The following ELOVL4 variants were observed in gnomAD, a reference collection of about 807,000 sequenced individuals.
The protein encoded by ELOVL4 is ELOVL fatty acid elongase 4.
ELOVL4 carries 18 observed loss-of-function variants against 42.1 expected under a neutral mutation model. The ratio of observed to expected loss-of-function variants is 0.43; its 90% CI spans 0.30 to 0.63. The LOEUF (loss-of-function observed/expected upper bound fraction) is 0.63, where lower values mean the gene tolerates loss of function less well. Ranked by LOEUF, ELOVL4 falls within the 30% of genes least tolerant of loss-of-function variation. ELOVL4 has a pLI of 0.15. For missense variants in ELOVL4, 299 were observed against 376.2 expected (o/e 0.79, Z 1.70); for synonymous variants, 117 against 127.0 (o/e 0.92, Z 0.53).
At chr6:79,944,181 G>C (rs1176206580) in intron 1 of ELOVL4, among the ~76,000 whole-genome samples, 4 of 151,984 alleles carry the variant, frequency 2.6e-5, no homozygotes, top group Non-Finnish European at 5.9e-5. Context: ...AGATAAGTTG[G>C]GTATTCATAG....
At chr6:79,929,387 C>A (rs1008066115) in intron 1 of ELOVL4, among the ~76,000 whole-genome samples, 2 of 152,150 alleles carry the variant, frequency 1.3e-5, no homozygotes, top group African/African-American at 4.8e-5. Context: ...CCTACAGGCA[C>A]ACGCCAACAC....
At chr6:79,930,028 T>G (rs530833326) in intron 1 of ELOVL4, among the ~76,000 whole-genome samples, 1 of 152,248 alleles carries the variant, frequency 6.6e-6, no homozygotes, top group Non-Finnish European at 1.5e-5. Context: ...GTTTCCTCAG[T>G]GTCCAAGAAC....
chr6:79,941,259 GA>G (rs1774639882), intron 1 of ELOVL4, among the ~76,000 whole-genome samples: 1 of 152,114 alleles, frequency 6.6e-6, no homozygotes, highest in South Asian at 2.1e-4. Context: ...TGAGAATTGG[GA>G]AGGCAAAGGA....
chr6:79,919,580 A>T (rs1237932530), intron 4 of ELOVL4, 33 bp from the exon 5 acceptor site: 1 of 1,609,200 alleles, frequency 6.2e-7, no homozygotes, highest in Non-Finnish European at 8.5e-7. Flanking sequence ...TACAAGATAC[A>T]GAAAATTTTA....
chr6:79,926,222 A>C lies in ELOVL4; in HGVS notation c.260T>G (p.Val87Gly), dbSNP rs1327646811. 1.2e-6 allele frequency: 2 copies of C among 1,613,838 alleles called. No homozygotes were observed. Among genetic ancestry groups the C allele is most frequent in the Non-Finnish European group, 1.7e-6 (2 of 1,179,896 alleles). The change falls in exon 2 of 6, where the codon GTT becomes GGT. Residue 87 changes from valine (V) to glycine (G), a missense_variant. Coordinates refer to ENST00000369816, the MANE Select transcript of ELOVL4 (RefSeq NM_022726.4). ...TCTGAAGATAAAGAGGTTAAGCAAA[A>C]CCATCCCAAAATTATAGATAATGAG... ...LVLIIYNFGM[V>G]LLNLFIFREL...
In ELOVL4 at chr6:79,916,692, T is replaced by C. The variant is rs1236824181; in HGVS notation, c.861A>G (p.Ser287=). 6.2e-7 allele frequency: 1 copy of C among 1,614,200 alleles called. No individual in the cohort carries two copies. Among genetic ancestry groups the C allele is most frequent in the South Asian group, 1.1e-5 (1 of 91,088 alleles). ...KAGKTAMNGI[S]ANGVSKSEKQ... ...TTTCTGATTTGCTCACACCATTTGC[T>C]GAAATACCATTCATGGCTGTTTTTC... The change falls in exon 6 of 6, where the codon TCA becomes TCG. Residue 287 remains serine (S), a synonymous_variant. Transcript: ENST00000369816.
At chr6:79,928,298 C>G (rs1475157806) in intron 1 of ELOVL4, among the ~76,000 whole-genome samples, 2 of 152,032 alleles carry the variant, frequency 1.3e-5, no homozygotes, top group Non-Finnish European at 2.9e-5. Context: ...ATGCCATACT[C>G]CATGTAACAA....
At chr6:79,933,033 G>A (rs1170234549) in intron 1 of ELOVL4, among the ~76,000 whole-genome samples, 2 of 152,114 alleles carry the variant, frequency 1.3e-5, no homozygotes, top group Non-Finnish European at 2.9e-5. Context: ...TACCCTGAGA[G>A]AACTGAATGT....
chr6:79,921,591 T>A lies in ELOVL4; in HGVS notation c.541+34A>T, dbSNP rs768785763. 27 of 1,601,066 alleles carry A rather than the reference T, an allele frequency of 1.7e-5. 2 individuals are homozygous for A. In the South Asian group the frequency reaches 3.0e-4, roughly 18 times the overall value. On this transcript the variant is annotated intron_variant, in intron 4 of 5. Transcript: ENST00000369816. ...TTTCCACTGAACACATATATGCAAT[T>A]AAACGCAAGCAGTATATTCCTGAAA...
At chr6:79,924,927 T>C in intron 3 of ELOVL4, 25 bp downstream of exon 3, 7 of 1,434,092 alleles carry the variant, frequency 4.9e-6, no homozygotes, top group Non-Finnish European at 6.9e-6. Context: ...CTTTTACTGA[T>C]TAAGAGTATT....
intron 1 of ELOVL4, among the ~76,000 whole-genome samples, chr6:79,944,987 CAAAAAAAAAAAAAAAA>C (rs200726708): frequency 1.1e-5 from 1 of 93,004 alleles, no homozygotes; most frequent in Non-Finnish European, 2.3e-5. Context: ...TGAATGAGTC[CAAAAAAAAAAAAAAAA>C]AAAAAAAAGG....
chr6:79,925,830 T>G (rs1774333252), intron 2 of ELOVL4, among the ~76,000 whole-genome samples: 1 of 152,178 alleles, frequency 6.6e-6, no homozygotes, highest in Admixed American at 6.6e-5. Context: ...GTTTACTGAG[T>G]GCTTAATACG....
Position 79,915,988 on chromosome 6 carries a change from TTTC to T in ELOVL4, c.*617_*619del, listed in dbSNP as rs1191751830. The T allele has an allele frequency of 6.5e-6, 1 of 152,936 alleles. No homozygotes were observed. Among genetic ancestry groups the T allele is most frequent in the Non-Finnish European group, 1.5e-5 (1 of 68,274 alleles). The allele number at this position is 152,936 out of a possible 1,614,324, so 9.5% of individuals were successfully genotyped here. ...ACCAGACAAGACTTTACTGCAATTC[TTTC>T]TTATTTTCACCAACACCATCATCAT... On this transcript the variant is annotated 3_prime_UTR_variant, in exon 6 of 6. Coordinates refer to ENST00000369816, the MANE Select transcript of ELOVL4 (RefSeq NM_022726.4).
Position 79,937,402 on chromosome 6 carries a change from G to C in ELOVL4, c.100+9778C>G, listed in dbSNP as rs537114518. On this transcript the variant is annotated intron_variant, in intron 1 of 5. Coordinates refer to ENST00000369816, the MANE Select transcript of ELOVL4 (RefSeq NM_022726.4). Reference sequence around the variant, plus strand: ...GATTCAGAAGCTGTAAAGGAGAAAAGACAGTTAACACAGATGAGAGAATCA... The same window carrying C: ...GATTCAGAAGCTGTAAAGGAGAAAACACAGTTAACACAGATGAGAGAATCA... Among the ~76,000 whole-genome samples the C allele has an allele frequency of 2.6e-5, 4 of 152,250 alleles. No homozygotes were observed. In the South Asian group the frequency reaches 8.3e-4, roughly 32 times the overall value.
intron 1 of ELOVL4, among the ~76,000 whole-genome samples, chr6:79,935,116 A>T (rs1561988876): frequency 1.3e-5 from 2 of 152,170 alleles, no homozygotes; most frequent in East Asian, 3.8e-4. Flanking sequence ...AAATAATAAA[A>T]TGCCTGTAAT....
chr6:79,926,502 C>T, intron 1 of ELOVL4, 121 bp from the exon 2 acceptor site: 1 of 925,164 alleles, frequency 1.1e-6, no homozygotes, highest in South Asian at 1.6e-5. Flanking sequence ...GGATCACTGT[C>T]CTTTGAGTCC....
intron 1 of ELOVL4, among the ~76,000 whole-genome samples, chr6:79,937,138 T>C (rs1774557496): frequency 6.6e-6 from 1 of 152,108 alleles, no homozygotes; most frequent in South Asian, 2.1e-4. Flanking sequence ...AAAGCTGCAA[T>C]GTCTCAAGGT....
At chr6:79,939,234 T>C (rs1774599028) in intron 1 of ELOVL4, among the ~76,000 whole-genome samples, 1 of 152,178 alleles carries the variant, frequency 6.6e-6, no homozygotes, top group African/African-American at 2.4e-5. Context: ...AAAGAGATCA[T>C]TTCTACAGGT....
chr6:79,916,827 G>A lies in ELOVL4; in HGVS notation c.726C>T (p.Pro242=), dbSNP rs1362199740. Residue 242 remains proline (P), a synonymous_variant, in exon 6 of 6, where the codon CCC becomes CCT. Transcript: ENST00000369816. ...HTALSLYTDC[P]FPKWMHWALI... ...GAGCCCAGTGCATCCATTTGGGGAAGGGGCAGTCAGTGTAAAGAGACAGTG... is the reference window on the plus strand; with the variant it reads ...GAGCCCAGTGCATCCATTTGGGGAAAGGGCAGTCAGTGTAAAGAGACAGTG... 6.2e-7 allele frequency: 1 copy of A among 1,614,064 alleles called. No individual in the cohort carries two copies. The highest frequency in any genetic ancestry group is 1.3e-5 in the African/African-American group (1 of 74,928).
Sources: allele counts gnomAD v4.1 joint callset (sites outside exome capture counted in the v4.1 genomes callset), GRCh38; gene constraint gnomAD v4.1.1; transcripts MANE v1.5; gene names NCBI Gene and HGNC (gene_info 2026-07-23, HGNC 2026-07-21).